Variants in USH2A observed in about 807,000 individuals in gnomAD.
USH2A encodes the protein Usher syndrome 2A (autosomal recessive, mild).
In USH2A, 443 loss-of-function variants were observed where a neutral mutation model predicts 538.9. That is an observed-to-expected ratio of 0.82 (90% CI 0.76 to 0.89). The LOEUF is 0.89. Among genes scored for constraint, USH2A ranks in the 40% least tolerant of loss-of-function variants. The pLI, the probability that USH2A is intolerant of heterozygous loss-of-function variation, is 0.00. For missense variants in USH2A, 6,633 were observed against 6,324.8 expected (o/e 1.05, Z -1.65); for synonymous variants, 2,413 against 2,273.5 (o/e 1.06, Z -1.75).
chr1:216,098,727 T>C (rs1332021532), intron 21 of USH2A, among the ~76,000 whole-genome samples: 1 of 152,118 alleles, frequency 6.6e-6, no homozygotes, highest in Non-Finnish European at 1.5e-5. Context: ...TGACATTGAG[T>C]TCTAGTTGAG....
chr1:216,330,971 T>G (rs1468372661), intron 4 of USH2A, among the ~76,000 whole-genome samples: 1 of 152,104 alleles, frequency 6.6e-6, no homozygotes, highest in East Asian at 1.9e-4. Context: ...TGAAATCTAT[T>G]TTATTATCTA....
chr1:216,251,172 CAGGG>C, intron 11 of USH2A, 74 bp from the exon 12 acceptor site: 11 of 1,487,006 alleles, frequency 7.4e-6, no homozygotes, highest in Non-Finnish European at 7.5e-6. Context: ...AGGTACAAGA[CAGGG>C]AGGGAGGGAG....
chr1:215,698,871 TG>T (rs1054392686), intron 61 of USH2A, among the ~76,000 whole-genome samples: 14 of 152,226 alleles, frequency 9.2e-5, no homozygotes, highest in African/African-American at 3.4e-4. Context: ...CCATTGCTTT[TG>T]GTGTTTTAGT....
Position 215,899,962 on chromosome 1 carries a change from A to C in USH2A, c.7594+113T>G, listed in dbSNP as rs1665445492. ...TCTTGCCCTAGAAAAGGTTATTGTCACTAAACAACAAGTAAATAAGGGAGG... is the reference window on the plus strand; with the variant it reads ...TCTTGCCCTAGAAAAGGTTATTGTCCCTAAACAACAAGTAAATAAGGGAGG... On this transcript the variant is annotated intron_variant, in intron 40 of 71. Transcript: ENST00000307340. The C allele has an allele frequency of 3.3e-5, 50 of 1,496,946 alleles. 2 individuals carry two copies. The South Asian group carries it at 5.4e-4, about 16-fold the overall frequency. 92.7% of individuals were successfully genotyped at this position (1,496,946 alleles called of 1,614,324 possible).
At chr1:215,721,068 T>TTTGTTG (rs112361475) in intron 61 of USH2A, among the ~76,000 whole-genome samples, 7 of 151,698 alleles carry the variant, frequency 4.6e-5, no homozygotes, top group African/African-American at 7.3e-5. Context: ...GACTGGAGTT[T>TTTGTTG]TTGTTGTTGT....
chr1:215,728,203 G>A lies in USH2A; in HGVS notation c.11893C>T (p.Pro3965Ser), dbSNP rs747085076. Residue 3965 changes from proline (P) to serine (S), a missense_variant, in exon 61 of 72, where the codon CCT becomes TCT. Pro to Ser is a moderately conservative substitution (Grantham distance 74, BLOSUM62 -1). Coordinates refer to ENST00000307340, the MANE Select transcript of USH2A (RefSeq NM_206933.4). ...WSLTQTLEAP[P>S]QDFPAPWAQA... ...GCCCAAGGAGCTGGAAAATCTTGAG[G>A]TGGAGCTTCCAGAGTTTGTGTTAAT... 6 of 1,614,150 alleles carry A rather than the reference G, an allele frequency of 3.7e-6. No individual in the cohort carries two copies. Among genetic ancestry groups the A allele is most frequent in the South Asian group, 1.1e-5 (1 of 91,086 alleles).
intron 21 of USH2A, among the ~76,000 whole-genome samples, chr1:216,108,108 GTTA>G (rs2032781960): frequency 6.6e-6 from 1 of 151,576 alleles, no homozygotes; most frequent in Non-Finnish European, 1.5e-5. Flanking sequence ...TCACACTTGA[GTTA>G]TTATTGGTAT....
intron 11 of USH2A, among the ~76,000 whole-genome samples, chr1:216,281,301 T>C (rs1437892073): frequency 6.6e-6 from 1 of 152,170 alleles, no homozygotes; most frequent in African/African-American, 2.4e-5. Flanking sequence ...TGAATGAAAA[T>C]TCTCCTTTTT....
chr1:215,987,116 A>T (rs1667889917), intron 35 of USH2A, among the ~76,000 whole-genome samples: 1 of 152,232 alleles, frequency 6.6e-6, no homozygotes, highest in Non-Finnish European at 1.5e-5. Context: ...ATAATGACGA[A>T]TAAGTTTGGC....
rs374404641 is a variant in USH2A, at chr1:215,758,762, AAAAG to A, written c.11232-14_11232-11del. 1 of 1,613,138 alleles carries A rather than the reference AAAAG, an allele frequency of 6.2e-7. No homozygotes were observed. Among genetic ancestry groups the A allele is most frequent in the South Asian group, 1.1e-5 (1 of 91,072 alleles). ...TAACTTGTAAGTGTATCTATATTTAAAAAGAAAGAAGAATTGTGGTAAGGCCATG... is the reference window on the plus strand; with the variant it reads ...TAACTTGTAAGTGTATCTATATTTAAAAAGAAGAATTGTGGTAAGGCCATG... On this transcript the variant is annotated splice_polypyrimidine_tract_variant and intron_variant, in intron 57 of 71. Coordinates refer to ENST00000307340, the MANE Select transcript of USH2A (RefSeq NM_206933.4).
chr1:216,419,799 G>A lies in USH2A; in HGVS notation c.486-1120C>T, dbSNP rs985446972. Among the ~76,000 whole-genome samples the A allele has an allele frequency of 5.9e-5, 9 of 152,022 alleles. 1 individual carries two copies. The highest frequency in any genetic ancestry group is 1.3e-4 in the Non-Finnish European group (9 of 67,992). Reference sequence around the variant, plus strand: ...GAATTACTGCTAAAGATGGTTTAAAGCTTTCCTTAAAGGGCATGTTTTTCA... The same window carrying A: ...GAATTACTGCTAAAGATGGTTTAAAACTTTCCTTAAAGGGCATGTTTTTCA... On this transcript the variant is annotated intron_variant, in intron 2 of 71. Coordinates refer to ENST00000307340, the MANE Select transcript of USH2A (RefSeq NM_206933.4).
chr1:216,176,521 G>T (rs1039987818), intron 20 of USH2A, among the ~76,000 whole-genome samples: 3 of 152,110 alleles, frequency 2.0e-5, no homozygotes, highest in Non-Finnish European at 2.9e-5. Flanking sequence ...CACCCAAATG[G>T]TTCATTTGCT....
intron 9 of USH2A, among the ~76,000 whole-genome samples, chr1:216,299,708 A>T (rs1173450968): frequency 1.3e-5 from 2 of 152,174 alleles, no homozygotes; most frequent in Non-Finnish European, 1.5e-5. Context: ...GTTTTAAATT[A>T]CACACAGATG....
intron 13 of USH2A, 59 bp from the exon 14 acceptor site, chr1:216,232,195 G>A: frequency 2.0e-6 from 3 of 1,529,326 alleles, no homozygotes; most frequent in Non-Finnish European, 1.8e-6. Context: ...TTTATTTAAA[G>A]CATAATAATT....
At chr1:216,392,091 T>C (rs530893479) in intron 3 of USH2A, among the ~76,000 whole-genome samples, 3 of 152,208 alleles carry the variant, frequency 2.0e-5, no homozygotes, top group Admixed American at 6.5e-5. Flanking sequence ...TAACATGCTA[T>C]GTAAGTACTG....
At chr1:216,010,044 C>A (rs1207490232) in intron 32 of USH2A, among the ~76,000 whole-genome samples, 3 of 152,094 alleles carry the variant, frequency 2.0e-5, no homozygotes, top group African/African-American at 7.2e-5. Flanking sequence ...ATTTTATTAC[C>A]CAATCTGCTC....
intron 9 of USH2A, among the ~76,000 whole-genome samples, chr1:216,311,579 G>A (rs2037420522): frequency 6.6e-6 from 1 of 152,106 alleles, no homozygotes; most frequent in Admixed American, 6.5e-5. Context: ...TTTGGCGGGA[G>A]AGGGGCGCGG....
Position 215,912,498 on chromosome 1 carries a change from T to C in USH2A, c.7301-11593A>G, listed in dbSNP as rs1279116484. Among the ~76,000 whole-genome samples, 21 of 22,944 alleles carry C rather than the reference T, an allele frequency of 9.2e-4. 1 individual carries two copies. Among genetic ancestry groups the C allele is most frequent in the African/African-American group, 3.0e-3 (21 of 7,032 alleles). The allele number at this position is 22,944 out of a possible 152,430, so 15.1% of individuals were successfully genotyped here. A position where few individuals can be genotyped will look rare whatever the true frequency, so the allele number is the denominator to read the frequency against. ...ATACGTATATATATATATGTGTATATATATATATATATACGTGTATATATA... is the reference window on the plus strand; with the variant it reads ...ATACGTATATATATATATGTGTATACATATATATATATACGTGTATATATA... On this transcript the variant is annotated intron_variant, in intron 38 of 71. Transcript: ENST00000307340.
At chr1:216,134,653 C>T (rs2033445922) in intron 21 of USH2A, among the ~76,000 whole-genome samples, 1 of 152,108 alleles carries the variant, frequency 6.6e-6, no homozygotes, top group Non-Finnish European at 1.5e-5. Flanking sequence ...ACAAACTTTT[C>T]ATATTGCACA....
Sources: gnomAD v4.1 joint callset for allele counts (sites outside exome capture counted in the v4.1 genomes callset) on GRCh38, gnomAD v4.1.1 for gene constraint, MANE v1.5 for transcripts, NCBI Gene and HGNC (gene_info 2026-07-23, HGNC 2026-07-21) for gene names.